Variants in MCUB observed in about 807,000 individuals in gnomAD.
The protein encoded by MCUB is mitochondrial calcium uniporter dominant negative subunit beta.
Under a neutral mutation model 41.4 loss-of-function variants are expected in MCUB, and 46 were observed. The observed-to-expected ratio is 1.11, with a 90% CI of 0.88 to 1.42. MCUB has a LOEUF of 1.42. Among genes scored for constraint, MCUB ranks in the 40% most tolerant of loss-of-function variants. The probability of loss-of-function intolerance (pLI) is 0.00; values close to 1 mark genes in which losing one functional copy is unlikely to be tolerated. For synonymous variants in MCUB, 148 were observed against 148.2 expected, an observed-to-expected ratio of 1.00 and a Z score of 0.01; for missense variants, 403 against 404.9, an observed-to-expected ratio of 1.00 and a Z score of 0.04.
intron 4 of MCUB, among the ~76,000 whole-genome samples, chr4:109,675,986 C>T (rs1729570490): frequency 6.6e-6 from 1 of 152,154 alleles, no homozygotes; most frequent in Admixed American, 6.5e-5. Context: ...TCTGCTATTG[C>T]AGCAGAAAAC....
At chr4:109,610,217 G>A (rs542078860) in intron 1 of MCUB, among the ~76,000 whole-genome samples, 13 of 152,308 alleles carry the variant, frequency 8.5e-5, no homozygotes, top group African/African-American at 2.9e-4. Flanking sequence ...TACCGTCTAA[G>A]AGCCAGTGCC....
At chr4:109,618,966 C>G (rs1728187274) in intron 1 of MCUB, among the ~76,000 whole-genome samples, 1 of 150,118 alleles carries the variant, frequency 6.7e-6, no homozygotes, top group African/African-American at 2.5e-5. Flanking sequence ...CTCTCTCTCT[C>G]TCTCTCTCTC....
chr4:109,636,726 T>C (rs1452386385), intron 1 of MCUB, among the ~76,000 whole-genome samples: 1 of 152,124 alleles, frequency 6.6e-6, no homozygotes, highest in Non-Finnish European at 1.5e-5. Context: ...TCCCAGCTAC[T>C]TGGGAGGCTG....
At position 109,643,150 on chromosome 4, in the gene MCUB, G is replaced by GA. The variant is rs542145327; in HGVS notation, c.100-15855dup. On this transcript the variant is annotated intron_variant, in intron 1 of 7. Transcript: ENST00000394650. The stretch of plus-strand genomic sequence containing the variant: ...TTACCATTTTTTTAAACATCCAAGA[G>GA]AAAAAATATTATTCAAACTTGACTG... Among the ~76,000 whole-genome samples the GA allele has an allele frequency of 1.4e-4, 22 of 151,914 alleles. 1 individual carries two copies. The South Asian group carries it at 4.4e-3, about 30-fold the overall frequency.
At chr4:109,560,768 T>C (rs1304214625) in intron 1 of MCUB, among the ~76,000 whole-genome samples, 1 of 151,970 alleles carries the variant, frequency 6.6e-6, no homozygotes, top group Non-Finnish European at 1.5e-5. Context: ...GTTTCTGGGC[T>C]GCAGCTCTCG....
At chr4:109,652,160 G>A (rs1007705999) in intron 1 of MCUB, among the ~76,000 whole-genome samples, 4 of 152,026 alleles carry the variant, frequency 2.6e-5, no homozygotes, top group African/African-American at 4.8e-5. Context: ...CAGTTATGTC[G>A]GATTAGGGCC....
chr4:109,594,267 AG>A (rs1165797072), intron 1 of MCUB, among the ~76,000 whole-genome samples: 1 of 152,222 alleles, frequency 6.6e-6, no homozygotes, highest in African/African-American at 2.4e-5. Context: ...GATTCTGTGA[AG>A]GCTGTCAAAA....
intron 3 of MCUB, among the ~76,000 whole-genome samples, chr4:109,663,846 G>GA (rs1244341107): frequency 3.9e-5 from 6 of 151,944 alleles, no homozygotes; most frequent in African/African-American, 1.4e-4. Flanking sequence ...AAGAGGGCAG[G>GA]AACTAAGAGA....
At chr4:109,588,382 G>C (rs1727356352) in intron 1 of MCUB, among the ~76,000 whole-genome samples, 1 of 152,186 alleles carries the variant, frequency 6.6e-6, no homozygotes, top group Non-Finnish European at 1.5e-5. Flanking sequence ...CCGAGAAATT[G>C]CTGTGTGACT....
At chr4:109,626,658 C>A (rs936766807) in intron 1 of MCUB, among the ~76,000 whole-genome samples, 2 of 151,916 alleles carry the variant, frequency 1.3e-5, no homozygotes, top group African/African-American at 4.8e-5. Flanking sequence ...ACTTAAAACA[C>A]AAAAATTAGC....
At chr4:109,567,289 T>A (rs1030244119) in intron 1 of MCUB, among the ~76,000 whole-genome samples, 6 of 152,088 alleles carry the variant, frequency 3.9e-5, no homozygotes, top group African/African-American at 1.4e-4. Flanking sequence ...CAGTAAATAA[T>A]GAATGCCCTG....
chr4:109,575,279 C>T (rs1335432103), intron 1 of MCUB, among the ~76,000 whole-genome samples: 2 of 152,172 alleles, frequency 1.3e-5, no homozygotes, highest in African/African-American at 4.8e-5. Flanking sequence ...AAAGCTTTGG[C>T]TTATTTATAG....
At chr4:109,595,537 A>T (rs1324910221) in intron 1 of MCUB, among the ~76,000 whole-genome samples, 1 of 152,262 alleles carries the variant, frequency 6.6e-6, no homozygotes, top group Non-Finnish European at 1.5e-5. Flanking sequence ...CTAGAGCATC[A>T]TTGTCCAATG....
At chr4:109,684,816 A>T (rs1356054226) in intron 6 of MCUB, 170 bp downstream of exon 6, 3 of 534,198 alleles carry the variant, frequency 5.6e-6, no homozygotes, top group Non-Finnish European at 9.8e-6. Context: ...CTCACAACAC[A>T]GAGAAATTAT....
chr4:109,561,276 G>T (rs1726624880), intron 1 of MCUB, among the ~76,000 whole-genome samples: 1 of 152,198 alleles, frequency 6.6e-6, no homozygotes, highest in African/African-American at 2.4e-5. Flanking sequence ...CCCCCACACT[G>T]TTAAGATTAC....
At chr4:109,564,117 A>G (rs1004924260) in intron 1 of MCUB, among the ~76,000 whole-genome samples, 3 of 152,058 alleles carry the variant, frequency 2.0e-5, no homozygotes, top group Non-Finnish European at 2.9e-5. Context: ...TTCTGCTTAT[A>G]GGCTATATGC....
chr4:109,567,600 G>A (rs1021526197), intron 1 of MCUB, among the ~76,000 whole-genome samples: 2 of 149,228 alleles, frequency 1.3e-5, no homozygotes, highest in Non-Finnish European at 3.0e-5. Context: ...AGTAGAGACC[G>A]AGTTTGGTTT....
At chr4:109,620,871 A>G (rs544048340) in intron 1 of MCUB, among the ~76,000 whole-genome samples, 20 of 151,220 alleles carry the variant, frequency 1.3e-4, no homozygotes, top group African/African-American at 4.6e-4. Flanking sequence ...TAACTTGCTC[A>G]AAGAACAAGA....
intron 4 of MCUB, among the ~76,000 whole-genome samples, chr4:109,671,320 TTCTC>T (rs1398384886): frequency 6.6e-6 from 1 of 152,224 alleles, no homozygotes; most frequent in African/African-American, 2.4e-5. Flanking sequence ...TGCTTTTCCC[TTCTC>T]TCTTTTTTCT....
Sources: allele counts gnomAD v4.1 joint callset (sites outside exome capture counted in the v4.1 genomes callset), GRCh38; gene constraint gnomAD v4.1.1; transcripts MANE v1.5; gene names NCBI Gene and HGNC (gene_info 2026-07-23, HGNC 2026-07-21).